COG6: variants seen among roughly 807,000 people sequenced by gnomAD.
COG6 encodes conserved oligomeric Golgi complex subunit 6.
A neutral mutation model predicts 88.8 loss-of-function variants in COG6; 74 were observed. The ratio of observed to expected loss-of-function variants is 0.83; its 90% CI spans 0.69 to 1.01. The LOEUF is 1.01. Ranked by LOEUF, COG6 falls within the 50% of genes least tolerant of loss-of-function variation. The pLI is 0.00. For missense variants in COG6, 800 were observed against 797.9 expected (o/e 1.00, Z -0.03); for synonymous variants, 286 against 278.7 (o/e 1.03, Z -0.26).
chr13:39,732,113 A>G (rs772012973), intron 18 of COG6, among the ~76,000 whole-genome samples: 12 of 152,148 alleles, frequency 7.9e-5, no homozygotes, highest in Non-Finnish European at 1.2e-4. Flanking sequence ...TCCAACTTAC[A>G]TGCCAATCTC....
intron 18 of COG6, among the ~76,000 whole-genome samples, chr13:39,787,620 A>G (rs1881814978): frequency 6.6e-6 from 1 of 152,186 alleles, no homozygotes; most frequent in African/African-American, 2.4e-5. Flanking sequence ...ATGCACATAC[A>G]CACATATACA....
chr13:39,659,741 A>T (rs1874776836), intron 2 of COG6, among the ~76,000 whole-genome samples: 2 of 152,328 alleles, frequency 1.3e-5, no homozygotes, highest in Admixed American at 6.5e-5. Flanking sequence ...GTTCTAGAAG[A>T]TTATCTTAGG....
chr13:39,657,891 T>A (rs1264231661), intron 1 of COG6, among the ~76,000 whole-genome samples: 1 of 152,140 alleles, frequency 6.6e-6, no homozygotes, highest in East Asian at 1.9e-4. Context: ...AGCTCCAGAT[T>A]TGTAGAATTA....
intron 13 of COG6, among the ~76,000 whole-genome samples, chr13:39,711,103 C>T (rs1878214366): frequency 6.6e-6 from 1 of 151,970 alleles, no homozygotes; most frequent in Admixed American, 6.6e-5. Flanking sequence ...CTGCCTTCCT[C>T]CTCCACCTGT....
chr13:39,776,266 G>C (rs1881461420), intron 18 of COG6, among the ~76,000 whole-genome samples: 2 of 152,192 alleles, frequency 1.3e-5, no homozygotes, highest in Admixed American at 1.3e-4. Context: ...AGGGGAGCAA[G>C]AGGATACAAC....
downstream of COG6, among the ~76,000 whole-genome samples, chr13:39,757,271 T>G (rs968237456): frequency 2.0e-5 from 3 of 152,152 alleles, no homozygotes; most frequent in Non-Finnish European, 4.4e-5. Flanking sequence ...TAGAAAATAC[T>G]CTGAGATGAA....
chr13:39,681,231 G>A (rs1438362915), intron 7 of COG6, among the ~76,000 whole-genome samples: 5 of 152,182 alleles, frequency 3.3e-5, no homozygotes, highest in Non-Finnish European at 5.9e-5. Context: ...TGCGCAAATG[G>A]AATTCTCTGA....
intron 18 of COG6, among the ~76,000 whole-genome samples, chr13:39,775,241 G>A (rs977632998): frequency 4.0e-5 from 6 of 149,542 alleles, no homozygotes; most frequent in Non-Finnish European, 5.9e-5. Flanking sequence ...TTTCCTCATT[G>A]GTCAGATGAG....
At chr13:39,657,526 A>G (rs894549072) in intron 1 of COG6, among the ~76,000 whole-genome samples, 2 of 118,912 alleles carry the variant, frequency 1.7e-5, no homozygotes, top group Non-Finnish European at 1.7e-5. Flanking sequence ...GCTTCACTTC[A>G]TGGGTTTTTT....
intron 8 of COG6, among the ~76,000 whole-genome samples, chr13:39,684,933 T>A (rs1876551581): frequency 6.6e-6 from 1 of 152,196 alleles, no homozygotes; most frequent in African/African-American, 2.4e-5. Context: ...TCATGTACAA[T>A]TATAAATGAA....
At chr13:39,733,160 G>A (rs934952555) in intron 18 of COG6, among the ~76,000 whole-genome samples, 1 of 150,470 alleles carries the variant, frequency 6.6e-6, no homozygotes, top group African/African-American at 2.4e-5. Flanking sequence ...ATAATGCACT[G>A]TAAGAAATGG....
At chr13:39,785,272 T>C (rs138700261) in intron 18 of COG6, 1 of 152,324 alleles carries the variant, frequency 6.6e-6, no homozygotes, top group Non-Finnish European at 1.5e-5. Context: ...TATCAGGGTA[T>C]ATAGTGAGGA....
chr13:39,721,294 A>C (rs2058639795), intron 15 of COG6, among the ~76,000 whole-genome samples: 1 of 152,064 alleles, frequency 6.6e-6, no homozygotes, highest in African/African-American at 2.4e-5. Flanking sequence ...TAGTTTATTC[A>C]AGTTATCTAT....
At chr13:39,788,546 C>T (rs1881845483) in exon 19 of COG6, 1 of 603,156 alleles carries the variant, frequency 1.7e-6, no homozygotes, top group Non-Finnish European at 3.0e-6. Flanking sequence ...AATGGAAACT[C>T]AGATTTACTC....
chr13:39,730,752 C>T lies in COG6; in HGVS notation c.1826+3204C>T, dbSNP rs1288212565. Among the ~76,000 whole-genome samples, 84 of 88,736 alleles carry T rather than the reference C, an allele frequency of 9.5e-4. No homozygotes were observed. In the South Asian group the frequency reaches 0.011, roughly 11 times the overall value. The allele number at this position is 88,736 out of a possible 152,430, so 58.2% of individuals were successfully genotyped here. On this transcript the variant is annotated intron_variant, in intron 18 of 18. Coordinates refer to ENST00000455146, the MANE Select transcript of COG6 (RefSeq NM_020751.3). Reference sequence around the variant, plus strand: ...TCGCACCACTGCCCTCCAGCCTGGGCGACAGAGCAAGACTCCATCTCAAAA... The same window carrying T: ...TCGCACCACTGCCCTCCAGCCTGGGTGACAGAGCAAGACTCCATCTCAAAA...
exon 19 of COG6, chr13:39,791,626 G>A (rs1192530499): frequency 1.3e-5 from 2 of 151,756 alleles, no homozygotes; most frequent in East Asian, 1.9e-4. Context: ...TGAATAAAAC[G>A]AGGCAACCAA....
In COG6 at chr13:39,723,393, G is replaced by T. The variant is rs141114931; in HGVS notation, c.1645G>T (p.Gly549Cys). 1.4e-4 allele frequency: 232 copies of T among 1,611,508 alleles called. No homozygotes were observed. The African/African-American group carries it at 2.4e-3, about 16-fold the overall frequency. Residue 549 changes from glycine (G) to cysteine (C), a missense_variant, in exon 16 of 19, where the codon GGC (glycine) becomes TGC (cysteine). Coordinates refer to ENST00000455146, the MANE Select transcript of COG6 (RefSeq NM_020751.3). ...AGCCTCTTATGTTTTAACTAGGGTA[G>T]GCTTGAGTTACATCTATAACACTGT... ...EQASYVLTRVGLSYIYNTVQQ... is the reference protein window; with the variant it reads ...EQASYVLTRVCLSYIYNTVQQ...
At chr13:39,714,264 A>G (rs972582985) in intron 13 of COG6, among the ~76,000 whole-genome samples, 2 of 152,154 alleles carry the variant, frequency 1.3e-5, no homozygotes, top group Non-Finnish European at 2.9e-5. Flanking sequence ...GTGCAACAAA[A>G]ATAAAAATAA....
chr13:39,769,046 G>T (rs1881244978), intron 18 of COG6, among the ~76,000 whole-genome samples: 1 of 152,096 alleles, frequency 6.6e-6, no homozygotes, highest in Non-Finnish European at 1.5e-5. Context: ...ATTCATCTCT[G>T]CACCTCTGTG....
Sources: gnomAD v4.1 joint callset for allele counts (sites outside exome capture counted in the v4.1 genomes callset) on GRCh38, gnomAD v4.1.1 for gene constraint, MANE v1.5 for transcripts, NCBI Gene and HGNC (gene_info 2026-07-23, HGNC 2026-07-21) for gene names.